CFAP54: variants seen among roughly 807,000 people sequenced by gnomAD.
CFAP54 encodes cilia and flagella associated protein 54, also known as cilia- and flagella-associated protein 54.
Under a neutral mutation model 370.4 loss-of-function variants are expected in CFAP54, and 290 were observed. The ratio of observed to expected loss-of-function variants is 0.78; its 90% CI spans 0.71 to 0.86. The LOEUF is 0.86. CFAP54 is among the 40% of genes least tolerant of loss of function. The probability of loss-of-function intolerance (pLI) is 0.00; values close to 1 mark genes in which losing one functional copy is unlikely to be tolerated. For missense variants in CFAP54, 3,399 were observed against 3,528.7 expected (o/e 0.96, Z 0.93); for synonymous variants, 1,206 against 1,236.5 (o/e 0.98, Z 0.52).
At chr12:96,835,804 G>A (rs1239880800) in intron 66 of CFAP54, among the ~76,000 whole-genome samples, 1 of 152,198 alleles carries the variant, frequency 6.6e-6, no homozygotes, top group Non-Finnish European at 1.5e-5. Context: ...GCTATCCCTG[G>A]GAGTGTGGGG....
At chr12:96,634,001 A>G (rs183484983) in intron 32 of CFAP54, among the ~76,000 whole-genome samples, 29 of 143,804 alleles carry the variant, frequency 2.0e-4, no homozygotes. Context: ...GTGATATCTC[A>G]TGGCCTTAAT....
At chr12:96,828,100 C>G (rs933324472) in intron 65 of CFAP54, among the ~76,000 whole-genome samples, 2 of 135,546 alleles carry the variant, frequency 1.5e-5, no homozygotes, top group Admixed American at 1.7e-4. Context: ...ATCAGAAAAG[C>G]AAATTTTTGC....
At chr12:96,653,734 G>C (rs1222921999) in intron 36 of CFAP54, among the ~76,000 whole-genome samples, 1 of 151,280 alleles carries the variant, frequency 6.6e-6, no homozygotes, top group Non-Finnish European at 1.5e-5. Flanking sequence ...CTAAAGAGAA[G>C]AAAGGAAATA....
chr12:96,562,952 C>A (rs978384112), intron 17 of CFAP54, among the ~76,000 whole-genome samples: 1 of 152,072 alleles, frequency 6.6e-6, no homozygotes, highest in African/African-American at 2.4e-5. Flanking sequence ...AAATGAATTA[C>A]TTAGCATAAT....
At chr12:96,786,124 G>C (rs1592760459) in intron 61 of CFAP54, among the ~76,000 whole-genome samples, 1 of 152,046 alleles carries the variant, frequency 6.6e-6, no homozygotes, top group African/African-American at 2.4e-5. Flanking sequence ...TAGGTACATG[G>C]AATGTATGGC....
chr12:96,632,174 A>T (rs1473542579), intron 32 of CFAP54, among the ~76,000 whole-genome samples: 2 of 151,960 alleles, frequency 1.3e-5, no homozygotes, highest in African/African-American at 2.4e-5. Context: ...TTGCACATTT[A>T]AAAACTTTTG....
At position 96,783,961 on chromosome 12, in the gene CFAP54, A is replaced by G. The variant is rs74723996; in HGVS notation, c.8282-756A>G. On this transcript the variant is annotated intron_variant, in intron 60 of 67. Transcript: ENST00000524981. Reference sequence around the variant, plus strand: ...AGAGGCCGAAGGCACAGAGAGATTCAAGGTCACACACTAGTGAGTGTATAG... The same window carrying G: ...AGAGGCCGAAGGCACAGAGAGATTCGAGGTCACACACTAGTGAGTGTATAG... Among the ~76,000 whole-genome samples, 1,451 of 152,338 alleles carry G rather than the reference A, an allele frequency of 9.5e-3. 56 individuals are homozygous for G. The East Asian group carries it at 0.1, about 11-fold the overall frequency.
intron 14 of CFAP54, among the ~76,000 whole-genome samples, chr12:96,546,506 C>T (rs1175430734): frequency 6.6e-6 from 1 of 152,064 alleles, no homozygotes; most frequent in Non-Finnish European, 1.5e-5. Flanking sequence ...AATTTTTCTA[C>T]ATTATGCATT....
At chr12:96,822,141 T>C (rs1302505017) in intron 65 of CFAP54, among the ~76,000 whole-genome samples, 3 of 152,194 alleles carry the variant, frequency 2.0e-5, no homozygotes, top group Admixed American at 6.5e-5. Flanking sequence ...TGTATCCTTT[T>C]TTCTAAAGTG....
chr12:96,708,863 A>C, intron 48 of CFAP54, 60 bp downstream of exon 48: 1 of 1,303,556 alleles, frequency 7.7e-7, no homozygotes, highest in Non-Finnish European at 1.1e-6. Context: ...CTGTTCTCCC[A>C]GCCCCCACTA....
At chr12:96,528,818 C>A (rs1955410212) in intron 9 of CFAP54, among the ~76,000 whole-genome samples, 1 of 151,964 alleles carries the variant, frequency 6.6e-6, no homozygotes, top group Non-Finnish European at 1.5e-5. Flanking sequence ...ATTATACTTT[C>A]TTGGGTTTGC....
intron 65 of CFAP54, 98 bp from the exon 66 acceptor site, chr12:96,828,916 A>T (rs1412462227): frequency 1.6e-6 from 1 of 607,824 alleles, no homozygotes; most frequent in East Asian, 2.9e-5. Context: ...TTAGGTAATG[A>T]TCAAGAAAAG....
intron 58 of CFAP54, among the ~76,000 whole-genome samples, chr12:96,760,028 A>G (rs900025264): frequency 6.6e-6 from 1 of 152,178 alleles, no homozygotes; most frequent in Non-Finnish European, 1.5e-5. Flanking sequence ...TACATTAACC[A>G]CTTTCTTTTC....
intron 67 of CFAP54, among the ~76,000 whole-genome samples, chr12:96,866,951 A>G (rs1293111080): frequency 6.6e-6 from 1 of 152,160 alleles, no homozygotes; most frequent in Admixed American, 6.5e-5. Context: ...TTCAGAGCTT[A>G]TTGGCTGGGA....
intron 64 of CFAP54, among the ~76,000 whole-genome samples, chr12:96,817,126 T>G (rs1958983210): frequency 6.6e-6 from 1 of 152,250 alleles, no homozygotes; most frequent in Non-Finnish European, 1.5e-5. Context: ...GAGTAAATCT[T>G]TTGCTTTTGC....
intron 50 of CFAP54, among the ~76,000 whole-genome samples, chr12:96,730,740 A>C (rs1183966357): frequency 6.6e-6 from 1 of 152,194 alleles, no homozygotes; most frequent in East Asian, 1.9e-4. Context: ...AATCCCACTT[A>C]TATGTTTCCC....
intron 36 of CFAP54, among the ~76,000 whole-genome samples, chr12:96,655,564 CA>C (rs1261964051): frequency 6.6e-6 from 1 of 152,102 alleles, no homozygotes; most frequent in East Asian, 1.9e-4. Flanking sequence ...ATTTATCCCA[CA>C]ATTTGTAGAA....
At chr12:96,527,491 G>A in intron 9 of CFAP54, 47 bp downstream of exon 9, 2 of 1,321,868 alleles carry the variant, frequency 1.5e-6, no homozygotes, top group South Asian at 1.7e-5. Flanking sequence ...TGATACACAT[G>A]AGTAACAAAA....
chr12:96,623,754 C>T lies in CFAP54; in HGVS notation c.3772-13C>T. The T allele has an allele frequency of 1.5e-6, 2 of 1,370,790 alleles. No individual in the cohort carries two copies. Among genetic ancestry groups the T allele is most frequent in the South Asian group, 2.6e-5 (2 of 77,344 alleles). 84.9% of individuals were successfully genotyped at this position (1,370,790 alleles called of 1,614,324 possible). ...CGTTAAAGTACATTTTGACGTTTAA[C>T]CAATGTTTTTAGGATTCTTCTAAGA... On this transcript the variant is annotated splice_polypyrimidine_tract_variant and intron_variant, in intron 27 of 67. Transcript: ENST00000524981.
Sources: allele counts gnomAD v4.1 joint callset (sites outside exome capture counted in the v4.1 genomes callset), GRCh38; gene constraint gnomAD v4.1.1; transcripts MANE v1.5; gene names NCBI Gene and HGNC (gene_info 2026-07-23, HGNC 2026-07-21).